The following SEC14L5 variants were observed in gnomAD, a reference collection of about 807,000 sequenced individuals.
The protein encoded by SEC14L5 is SEC14 like lipid binding 5.
A neutral mutation model predicts 84.6 loss-of-function variants in SEC14L5; 96 were observed. That is an observed-to-expected ratio of 1.13 (90% CI 0.96 to 1.34). The LOEUF (loss-of-function observed/expected upper bound fraction) is 1.34. Ranked by LOEUF, SEC14L5 falls within the 40% of genes most tolerant of loss-of-function variation. The probability of loss-of-function intolerance (pLI) is 0.00; values close to 1 mark genes in which losing one functional copy is unlikely to be tolerated. For synonymous variants in SEC14L5, 546 were observed against 383.4 expected (o/e 1.42, Z -4.95); for missense variants, 1,224 against 942.5 (o/e 1.30, Z -3.91).
chr16:4,982,598 G>T (rs560734100), intron 2 of SEC14L5, among the ~76,000 whole-genome samples: 1 of 152,332 alleles, frequency 6.6e-6, no homozygotes, highest in East Asian at 1.9e-4. Context: ...CGAGGACAGT[G>T]AGGGGCCCTT....
chr16:5,011,267 A>G lies in SEC14L5; in HGVS notation c.1973A>G (p.Asp658Gly), dbSNP rs1377853746. 1 of 1,611,858 alleles carries G rather than the reference A, an allele frequency of 6.2e-7. No individual in the cohort carries two copies. The highest frequency in any genetic ancestry group is 2.2e-5 in the East Asian group (1 of 44,818). Residue 658 changes from aspartate (D) to glycine (G), a missense_variant, in exon 15 of 16, where the codon GAC (aspartate) becomes GGC (glycine). Physicochemically the swap from Asp to Gly is moderately conservative, Grantham distance 94. Transcript: ENST00000251170. ...LYYCEVLASEDFRGSMSSLES... is the reference protein window; with the variant it reads ...LYYCEVLASEGFRGSMSSLES... ...TACTGTGAGGTGCTCGCCTCTGAGG[A>G]CTTCAGGTAGGAGGGCTCCGGAGCG...
intron 8 of SEC14L5, among the ~76,000 whole-genome samples, chr16:4,997,760 T>G (rs1955627736): frequency 6.6e-6 from 1 of 152,160 alleles, no homozygotes; most frequent in Admixed American, 6.6e-5. Context: ...CTGAAAGTTC[T>G]AGGGGAGAAT....
intron 6 of SEC14L5, among the ~76,000 whole-genome samples, chr16:4,993,337 C>G (rs2908682): frequency 1 from 152,297 of 152,336 alleles, 76,129 homozygotes; most frequent in Non-Finnish European, 1. Flanking sequence ...TGCCTCCCGG[C>G]TTCAAGCAAT....
chr16:5,000,751 A>AG lies in SEC14L5; in HGVS notation c.1059+12dup. 1 of 1,553,696 alleles carries AG rather than the reference A, an allele frequency of 6.4e-7. No individual in the cohort carries two copies. On this transcript the variant is annotated intron_variant, in intron 9 of 15. Transcript: ENST00000251170. Reference sequence around the variant, plus strand: ...GAGGCGCTGCTGCGGCATGTGAGTCAGGGGCCTCGTTCCTGGACGCCGTGC... The same window carrying AG: ...GAGGCGCTGCTGCGGCATGTGAGTCAGGGGGCCTCGTTCCTGGACGCCGTGC...
In SEC14L5 at chr16:4,987,374, G is replaced by A. The variant is rs534528882; in HGVS notation, c.64-183G>A. ...TCATTGTCCAGGCTCTGCTGTGTTGGGCTCTAACAGGTGCTAGCTGGTGGA... is the reference window on the plus strand; with the variant it reads ...TCATTGTCCAGGCTCTGCTGTGTTGAGCTCTAACAGGTGCTAGCTGGTGGA... On this transcript the variant is annotated intron_variant, in intron 2 of 15. Transcript: ENST00000251170. Among the ~76,000 whole-genome samples the A allele has an allele frequency of 2.0e-3, 302 of 152,220 alleles. 2 individuals carry two copies. The highest frequency in any genetic ancestry group is 6.6e-3 in the African/African-American group (276 of 41,532).
In SEC14L5 at chr16:5,011,128, C is replaced by G; in HGVS notation, c.1834C>G (p.Leu612Val). The change falls in exon 15 of 16, where the codon CTG becomes GTG. Residue 612 changes from leucine to valine, a missense_variant. Coordinates refer to ENST00000251170, the MANE Select transcript of SEC14L5 (RefSeq NM_014692.2). ...SHVTRWPGVY[L>V]LQWQMHSPPS... ...TGTGACCCGGTGGCCCGGCGTCTAC[C>G]TGCTCCAGTGGCAAATGCACAGCCC... The G allele has an allele frequency of 1.2e-6, 2 of 1,610,406 alleles. No individual in the cohort carries two copies. Among genetic ancestry groups the G allele is most frequent in the South Asian group, 1.1e-5 (1 of 90,382 alleles).
intron 15 of SEC14L5, among the ~76,000 whole-genome samples, chr16:5,013,602 A>G (rs1464352721): frequency 8.8e-6 from 1 of 113,764 alleles, no homozygotes; most frequent in East Asian, 2.7e-4. Flanking sequence ...TCTGTCACCC[A>G]GGCTGGAGTA....
chr16:4,997,642 G>A (rs537421394), intron 8 of SEC14L5, among the ~76,000 whole-genome samples: 2 of 152,162 alleles, frequency 1.3e-5, no homozygotes, highest in Non-Finnish European at 2.9e-5. Flanking sequence ...AAGGGCAGTT[G>A]TAGCAAATTG....
At position 5,011,244 on chromosome 16, in the gene SEC14L5, C is replaced by T. The variant is rs1161452515; in HGVS notation, c.1950C>T (p.Tyr650=). The part of the protein sequence containing the change: ...SPGPKCKLLY[Y]CEVLASEDFR... ...GGCCCAAGTGCAAACTTCTCTACTA[C>T]TGTGAGGTGCTCGCCTCTGAGGACT... Residue 650 remains tyrosine (Y), a synonymous_variant, in exon 15 of 16, where the codon TAC becomes TAT. Coordinates refer to ENST00000251170, the MANE Select transcript of SEC14L5 (RefSeq NM_014692.2). The T allele has an allele frequency of 6.2e-7, 1 of 1,613,860 alleles. No homozygotes were observed. The highest frequency in any genetic ancestry group is 1.1e-5 in the South Asian group (1 of 91,082).
At chr16:5,001,538 C>T (rs536981109) in intron 10 of SEC14L5, among the ~76,000 whole-genome samples, 3 of 152,244 alleles carry the variant, frequency 2.0e-5, no homozygotes, top group African/African-American at 4.8e-5. Flanking sequence ...GGATTACAGG[C>T]GTGAGCCACC....
intron 2 of SEC14L5, among the ~76,000 whole-genome samples, chr16:4,978,091 T>C (rs1012425875): frequency 1.4e-5 from 2 of 145,868 alleles, no homozygotes; most frequent in Non-Finnish European, 3.0e-5. Context: ...TGTGAGCCAC[T>C]GTGCACAGCC....
At chr16:4,968,840 T>G (rs1456883481) in intron 2 of SEC14L5, among the ~76,000 whole-genome samples, 1 of 152,166 alleles carries the variant, frequency 6.6e-6, no homozygotes, top group East Asian at 1.9e-4. Flanking sequence ...GTTACGGAGG[T>G]AAGGTTCTGT....
chr16:4,960,216 T>G (rs1955103645), intron 2 of SEC14L5, among the ~76,000 whole-genome samples: 1 of 152,196 alleles, frequency 6.6e-6, no homozygotes, highest in South Asian at 2.1e-4. Flanking sequence ...CTCAGTAACA[T>G]GGGGACAATG....
At chr16:4,985,572 C>A (rs1401185997) in intron 2 of SEC14L5, among the ~76,000 whole-genome samples, 1 of 152,088 alleles carries the variant, frequency 6.6e-6, no homozygotes, top group Non-Finnish European at 1.5e-5. Context: ...GTCCCGGCAC[C>A]ATTTGCTGAA....
chr16:4,992,751 G>A (rs372503926), intron 6 of SEC14L5, among the ~76,000 whole-genome samples: 2 of 152,202 alleles, frequency 1.3e-5, no homozygotes, highest in East Asian at 1.9e-4. Context: ...TAAGAAGTAC[G>A]ATTCTTTTCC....
chr16:4,980,114 C>A (rs781442866), intron 2 of SEC14L5, among the ~76,000 whole-genome samples: 8 of 152,218 alleles, frequency 5.3e-5, no homozygotes, highest in Non-Finnish European at 8.8e-5. Flanking sequence ...CCTCAACTTG[C>A]TCATCTGTAA....
intron 2 of SEC14L5, among the ~76,000 whole-genome samples, chr16:4,961,653 A>G (rs1396829727): frequency 2.0e-5 from 3 of 152,152 alleles, no homozygotes; most frequent in Non-Finnish European, 2.9e-5. Flanking sequence ...CTTAAGTGCT[A>G]TATTCATGGG....
At chr16:4,966,950 T>A (rs1431567836) in intron 2 of SEC14L5, among the ~76,000 whole-genome samples, 2 of 152,152 alleles carry the variant, frequency 1.3e-5, no homozygotes, top group Non-Finnish European at 2.9e-5. Context: ...CCCGGGAGTG[T>A]TTATTCAGCG....
chr16:4,987,988 T>A, intron 3 of SEC14L5, among the ~76,000 whole-genome samples, 161 bp from the exon 4 acceptor site: 1 of 149,324 alleles, frequency 6.7e-6, no homozygotes, highest in African/African-American at 2.5e-5. Flanking sequence ...AGGGCGGAAG[T>A]CGGGGGTTGG....
Sources: allele counts gnomAD v4.1 joint callset (sites outside exome capture counted in the v4.1 genomes callset), GRCh38; gene constraint gnomAD v4.1.1; transcripts MANE v1.5; gene names NCBI Gene and HGNC (gene_info 2026-07-23, HGNC 2026-07-21).